Variants in SCNN1B observed in about 807,000 individuals in gnomAD.
SCNN1B encodes sodium channel epithelial 1 subunit beta.
In SCNN1B, 46 loss-of-function variants were observed where a neutral mutation model predicts 65.3. The ratio of observed to expected loss-of-function variants is 0.70; its 90% CI spans 0.56 to 0.90. The LOEUF (loss-of-function observed/expected upper bound fraction) is 0.90, where lower values mean the gene tolerates loss of function less well. Among genes scored for constraint, SCNN1B ranks in the 40% least tolerant of loss-of-function variants. The pLI is 0.00. For missense variants in SCNN1B, 751 were observed against 830.5 expected, an observed-to-expected ratio of 0.90 and a Z score of 1.18; for synonymous variants, 349 against 330.6, an observed-to-expected ratio of 1.06 and a Z score of -0.60.
chr16:23,343,533 AGGG>A, intron 1 of SCNN1B, among the ~76,000 whole-genome samples: 1 of 127,676 alleles, frequency 7.8e-6, no homozygotes, highest in African/African-American at 3.1e-5. Context: ...AGGAAGAAAG[AGGG>A]AGGGAGGGAG....
rs572548432 is a variant in SCNN1B at position 23,340,904 on chromosome 16, G to A, written c.-8-7688G>A. ...TTTAAAATGTTGCTTTGAAGTGTGT[G>A]TGTGTGTGTGTGCATGTGTACACAT... On this transcript the variant is annotated intron_variant, in intron 1 of 12. Transcript: ENST00000343070. 3.0e-4 allele frequency among the ~76,000 whole-genome samples: 45 copies of A among 152,150 alleles called. 2 individuals are homozygous for A. In the East Asian group the frequency reaches 4.3e-3, roughly 14 times the overall value.
chr16:23,345,803 C>T (rs1334308390), intron 1 of SCNN1B, among the ~76,000 whole-genome samples: 2 of 152,122 alleles, frequency 1.3e-5, no homozygotes, highest in East Asian at 3.9e-4. Context: ...ACCACACTGC[C>T]CAGCATGGTG....
intron 1 of SCNN1B, among the ~76,000 whole-genome samples, chr16:23,316,387 C>G (rs1961463953): frequency 6.9e-6 from 1 of 144,678 alleles, no homozygotes; most frequent in Non-Finnish European, 1.5e-5. Context: ...TCCTCACCAT[C>G]ATCACCATCA....
At chr16:23,375,057 T>C (rs1034912715) in intron 7 of SCNN1B, among the ~76,000 whole-genome samples, 17 of 151,992 alleles carry the variant, frequency 1.1e-4, no homozygotes, top group African/African-American at 4.1e-4. Flanking sequence ...ACATAGCTGG[T>C]CTCTGAGTGG....
At chr16:23,317,211 C>T (rs991335137) in intron 1 of SCNN1B, among the ~76,000 whole-genome samples, 1 of 152,224 alleles carries the variant, frequency 6.6e-6, no homozygotes, top group African/African-American at 2.4e-5. Context: ...ACAGTTCCTC[C>T]TCACAGGGCT....
chr16:23,281,675 T>G (rs971934086), intron 1 of SCNN1B, among the ~76,000 whole-genome samples: 1 of 152,106 alleles, frequency 6.6e-6, no homozygotes, highest in Non-Finnish European at 1.5e-5. Context: ...GAGGAGGAAG[T>G]TTCTGACATG....
intron 6 of SCNN1B, 149 bp downstream of exon 6, chr16:23,371,611 C>T: frequency 9.3e-7 from 1 of 1,079,970 alleles, no homozygotes; most frequent in Non-Finnish European, 1.4e-6. Flanking sequence ...CCAGGGTGGC[C>T]CAAGCTTTAG....
intron 5 of SCNN1B, among the ~76,000 whole-genome samples, chr16:23,370,304 C>A (rs1173869773): frequency 1.3e-5 from 2 of 152,088 alleles, no homozygotes; most frequent in African/African-American, 4.8e-5. Context: ...CGAGGTTTCA[C>A]CATGTTAGCC....
chr16:23,295,133 C>T (rs985041156), intron 2 of SCNN1B, among the ~76,000 whole-genome samples: 1 of 152,206 alleles, frequency 6.6e-6, no homozygotes, highest in African/African-American at 2.4e-5. Flanking sequence ...AGAATGCAAG[C>T]TCCACAAGGG....
At chr16:23,292,933 G>A (rs572492954) in intron 2 of SCNN1B, among the ~76,000 whole-genome samples, 116 of 151,162 alleles carry the variant, frequency 7.7e-4, no homozygotes, top group African/African-American at 2.4e-3. Flanking sequence ...CAGCTAACAC[G>A]GTGAAACCCC....
chr16:23,346,398 T>G (rs1191467757), intron 1 of SCNN1B, among the ~76,000 whole-genome samples: 1 of 151,456 alleles, frequency 6.6e-6, no homozygotes, highest in East Asian at 1.9e-4. Context: ...ATTTTTGTAT[T>G]TTTAGTAGAG....
At chr16:23,312,458 G>A (rs948465773) in intron 1 of SCNN1B, among the ~76,000 whole-genome samples, 11 of 152,018 alleles carry the variant, frequency 7.2e-5, no homozygotes, top group East Asian at 1.9e-4. Flanking sequence ...TGAGGGGACC[G>A]TGAGGCATTA....
At chr16:23,353,236 G>T in intron 3 of SCNN1B, 162 bp downstream of exon 3, 2 of 843,670 alleles carry the variant, frequency 2.4e-6, no homozygotes, top group Non-Finnish European at 3.7e-6. Flanking sequence ...AGAAATTTTT[G>T]GCATGTTAGT....
chr16:23,369,756 T>C (rs769504931), intron 5 of SCNN1B, among the ~76,000 whole-genome samples: 1 of 152,064 alleles, frequency 6.6e-6, no homozygotes, highest in African/African-American at 2.4e-5. Context: ...CAGAGGCAGA[T>C]GGTTATAGTC....
chr16:23,289,552 A>G, intron 2 of SCNN1B, among the ~76,000 whole-genome samples: 1 of 151,972 alleles, frequency 6.6e-6, no homozygotes, highest in Admixed American at 6.6e-5. Context: ...CCCTATCTCA[A>G]AGAAAAAAAA....
chr16:23,370,990 T>G (rs1209808474), intron 5 of SCNN1B, among the ~76,000 whole-genome samples: 5 of 152,102 alleles, frequency 3.3e-5, no homozygotes, highest in Non-Finnish European at 5.9e-5. Flanking sequence ...ACCTGTGGTG[T>G]GAGGTGGGGT....
At chr16:23,313,207 A>T (rs118143068) in intron 1 of SCNN1B, among the ~76,000 whole-genome samples, 3,272 of 152,236 alleles carry the variant, frequency 0.021, 51 homozygotes, top group Non-Finnish European at 0.035. Context: ...GACACTGAAA[A>T]TACAGTGGTG....
intron 1 of SCNN1B, among the ~76,000 whole-genome samples, chr16:23,337,300 T>C (rs1261854486): frequency 6.6e-6 from 1 of 152,068 alleles, no homozygotes; most frequent in East Asian, 1.9e-4. Flanking sequence ...GTGATCCTCC[T>C]GCTTCAGTCT....
chr16:23,343,633 A>AAGAAAGAAAG (rs1962121246), intron 1 of SCNN1B, among the ~76,000 whole-genome samples: 1 of 136,450 alleles, frequency 7.3e-6, no homozygotes, highest in African/African-American at 2.9e-5. Context: ...GAAAGAAAGA[A>AAGAAAGAAAG]AGAAAGAAAG....
Sources: allele counts gnomAD v4.1 joint callset (sites outside exome capture counted in the v4.1 genomes callset), GRCh38; gene constraint gnomAD v4.1.1; transcripts MANE v1.5; gene names NCBI Gene and HGNC (gene_info 2026-07-23, HGNC 2026-07-21).